KDM3A: variants seen among roughly 807,000 people sequenced by gnomAD.
The protein encoded by KDM3A is lysine demethylase 3A.
In KDM3A, 60 loss-of-function variants were observed where a neutral mutation model predicts 158.0. That is an observed-to-expected ratio of 0.38 (90% CI 0.31 to 0.47). The LOEUF (loss-of-function observed/expected upper bound fraction) is 0.47. KDM3A is among the 20% of genes least tolerant of loss of function. The pLI, the probability that KDM3A is intolerant of heterozygous loss-of-function variation, is 0.99. For missense variants in KDM3A, 1,319 were observed against 1,574.3 expected, an observed-to-expected ratio of 0.84 and a Z score of 2.74; for synonymous variants, 608 against 549.3, an observed-to-expected ratio of 1.11 and a Z score of -1.49.
chr2:86,457,998 C>T (rs768729282), intron 8 of KDM3A, among the ~76,000 whole-genome samples: 43 of 152,222 alleles, frequency 2.8e-4, no homozygotes, highest in Non-Finnish European at 5.6e-4. Context: ...AATCCAAATG[C>T]CTAAATGTCA....
At chr2:86,485,617 C>A in intron 20 of KDM3A, 112 bp from the exon 21 acceptor site, 1 of 1,266,038 alleles carries the variant, frequency 7.9e-7, no homozygotes, top group Non-Finnish European at 1.1e-6. Context: ...TGTCAGTCTG[C>A]ATGATCACAG....
At chr2:86,457,300 A>G (rs1164525139) in intron 8 of KDM3A, among the ~76,000 whole-genome samples, 1 of 151,870 alleles carries the variant, frequency 6.6e-6, no homozygotes, top group African/African-American at 2.4e-5. Context: ...ACACCTGGCT[A>G]ATTTTTGTGT....
At position 86,484,939 on chromosome 2, in the gene KDM3A, C is replaced by G. The variant is rs1468234778; in HGVS notation, c.3095-3C>G. On this transcript the variant is annotated splice_region_variant and splice_polypyrimidine_tract_variant and intron_variant, in intron 19 of 25. Transcript: ENST00000312912. The stretch of plus-strand genomic sequence containing the variant: ...GTAATAGTTCATTCTGTTTACCTTT[C>G]AGATCGTTTGAAAAATGAAAAAGAA... 6.3e-7 allele frequency: 1 copy of G among 1,579,138 alleles called. No homozygotes were observed. The highest frequency in any genetic ancestry group is 2.2e-5 in the East Asian group (1 of 44,614).
In KDM3A at chr2:86,455,154, G is replaced by A. The variant is rs1006417228; in HGVS notation, c.523G>A (p.Val175Met). 3 of 1,605,564 alleles carry A rather than the reference G, an allele frequency of 1.9e-6. No individual in the cohort carries two copies. The highest frequency in any genetic ancestry group is 2.6e-6 in the Non-Finnish European group (3 of 1,175,358). ...CAGTAAAGAATTTCAAGCTTTGATT[G>A]TGAAGCATTTAGATGAAAGCCATCT... ...IVSKEFQALI[V>M]KHLDESHLLK... is the part of the protein sequence containing the mutation. Residue 175 changes from valine (V) to methionine (M), a missense_variant, in exon 5 of 26, where the codon GTG becomes ATG. Physicochemically the swap from Val to Met is conservative, Grantham distance 21 (BLOSUM62 1). Transcript: ENST00000312912.
At chr2:86,466,320 TG>T in intron 9 of KDM3A, 51 bp from the exon 10 acceptor site, 1 of 1,523,812 alleles carries the variant, frequency 6.6e-7, no homozygotes, top group Non-Finnish European at 8.8e-7. Context: ...GGGAAGATAA[TG>T]GAGAGATAAA....
rs1372985985 is a variant in KDM3A, at chr2:86,441,426, C to T, written c.-49C>T. The T allele has an allele frequency of 2.0e-5, 3 of 152,308 alleles. No individual in the cohort carries two copies. The allele number at this position is 152,308 out of a possible 1,614,324, so 9.4% of individuals were successfully genotyped here. On this transcript the variant is annotated 5_prime_UTR_variant, in exon 1 of 26. Transcript: ENST00000312912. ...GAAACGGCGGCTGCCGCCGGTGACTCAGGGAGGCGGGAGGCGGGGTAAGAG... is the reference window on the plus strand; with the variant it reads ...GAAACGGCGGCTGCCGCCGGTGACTTAGGGAGGCGGGAGGCGGGGTAAGAG...
chr2:86,461,272 G>C (rs1243237417), intron 8 of KDM3A, among the ~76,000 whole-genome samples: 1 of 152,060 alleles, frequency 6.6e-6, no homozygotes, highest in Non-Finnish European at 1.5e-5. Flanking sequence ...AAAAATAGCA[G>C]ATTTCTCCTT....
Position 86,464,215 on chromosome 2 carries a change from G to C in KDM3A, c.1006G>C (p.Gly336Arg). 6.3e-7 allele frequency: 1 copy of C among 1,576,284 alleles called. No homozygotes were observed. The highest frequency in any genetic ancestry group is 2.3e-5 in the East Asian group (1 of 44,116). Reference sequence around the variant, plus strand: ...TAACCTTGGAGCAAAAATTCCTCAAGGGTGAGTAGTGATTTGTTAAAGATG... The same window carrying C: ...TAACCTTGGAGCAAAAATTCCTCAACGGTGAGTAGTGATTTGTTAAAGATG... The part of the protein sequence containing the change: ...PPNLGAKIPQ[G>R]CHKQSLPEEI... The change falls in exon 9 of 26, where the codon GGA (glycine) becomes CGA (arginine). Residue 336 changes from glycine (G) to arginine (R), a missense_variant and splice_region_variant. This residue lies in a region of KDM3A where 652 missense variants were observed against 627.2 expected (regional missense o/e 1.04). Coordinates refer to ENST00000312912, the MANE Select transcript of KDM3A (RefSeq NM_018433.6).
At chr2:86,457,232 T>C (rs1672744349) in intron 8 of KDM3A, among the ~76,000 whole-genome samples, 161 bp downstream of exon 8, 1 of 152,212 alleles carries the variant, frequency 6.6e-6, no homozygotes. Flanking sequence ...CAGAGCTTAC[T>C]GCAGCCTTGA....
intron 19 of KDM3A, 52 bp downstream of exon 19, chr2:86,484,210 C>A: frequency 6.7e-7 from 1 of 1,494,186 alleles, no homozygotes; most frequent in Non-Finnish European, 9.1e-7. Flanking sequence ...GGAGGGGACA[C>A]AGGAATGGCA....
intron 25 of KDM3A, 156 bp from the exon 26 acceptor site, chr2:86,491,883 G>C (rs1674473345): frequency 3.3e-6 from 2 of 600,948 alleles, no homozygotes; most frequent in Non-Finnish European, 5.9e-6. Context: ...CTGGTCTGAA[G>C]GAGCCCAGGG....
intron 21 of KDM3A, chr2:86,486,979 G>GT (rs925405170): frequency 2.6e-5 from 4 of 152,380 alleles, no homozygotes; most frequent in Non-Finnish European, 5.9e-5. Context: ...TCAGGTCTCT[G>GT]TTGGTGAGTC....
At chr2:86,445,109 T>C (rs1682901812) in intron 2 of KDM3A, among the ~76,000 whole-genome samples, 1 of 152,194 alleles carries the variant, frequency 6.6e-6, no homozygotes, top group Admixed American at 6.5e-5. Flanking sequence ...CCTTAAACAC[T>C]AGGCTTTAAT....
At chr2:86,456,323 T>C (rs1374029932) in intron 5 of KDM3A, 119 bp from the exon 6 acceptor site, 5 of 715,194 alleles carry the variant, frequency 7.0e-6, no homozygotes, top group Non-Finnish European at 1.1e-5. Flanking sequence ...AGTGATTCTT[T>C]TAATGTTTAC....
chr2:86,452,420 G>A (rs755610813), intron 4 of KDM3A, among the ~76,000 whole-genome samples: 3 of 152,118 alleles, frequency 2.0e-5, no homozygotes, highest in Non-Finnish European at 4.4e-5. Flanking sequence ...TCAATTGGTT[G>A]TTGAAAATGT....
In KDM3A at chr2:86,459,953, C is replaced by T. The variant is rs553445867; in HGVS notation, c.843+2882C>T. On this transcript the variant is annotated intron_variant, in intron 8 of 25. Coordinates refer to ENST00000312912, the MANE Select transcript of KDM3A (RefSeq NM_018433.6). ...AAATGTACATTGCAGCTCTTGAGCT[C>T]TATGCTAGTCACGTCATTCTAAAGG... Among the ~76,000 whole-genome samples, 7 of 152,276 alleles carry T rather than the reference C, an allele frequency of 4.6e-5. No homozygotes were observed. The South Asian group carries it at 1.2e-3, about 27-fold the overall frequency.
In KDM3A at chr2:86,489,609, C is replaced by G; in HGVS notation, c.3523C>G (p.His1175Asp). Residue 1175 changes from histidine to aspartate, a missense_variant, in exon 23 of 26, where the codon CAC (histidine) becomes GAC (aspartate). His to Asp is a moderately conservative substitution (Grantham distance 81). Coordinates refer to ENST00000312912, the MANE Select transcript of KDM3A (RefSeq NM_018433.6). The stretch of plus-strand genomic sequence containing the variant: ...AAAAGAGAAGCCAGGAGCACTGTGG[C>G]ACATATATGCTGCAAAGGACACGGA... ...EGKEKPGALW[H>D]IYAAKDTEKI... 1 of 1,613,864 alleles carries G rather than the reference C, an allele frequency of 6.2e-7. No individual in the cohort carries two copies. The highest frequency in any genetic ancestry group is 8.5e-7 in the Non-Finnish European group (1 of 1,179,924).
intron 8 of KDM3A, among the ~76,000 whole-genome samples, chr2:86,459,716 TATG>T (rs1188752241): frequency 6.6e-6 from 1 of 152,144 alleles, no homozygotes; most frequent in Non-Finnish European, 1.5e-5. Flanking sequence ...TATAGACATA[TATG>T]ATATGATCCT....
intron 10 of KDM3A, among the ~76,000 whole-genome samples, chr2:86,469,101 G>GT (rs1673285440): frequency 6.6e-6 from 1 of 152,144 alleles, no homozygotes; most frequent in Non-Finnish European, 1.5e-5. Context: ...CTATAACTGA[G>GT]TAGGAGTGTT....
Sources: gnomAD v4.1 joint callset for allele counts (sites outside exome capture counted in the v4.1 genomes callset) on GRCh38, gnomAD v4.1.1 for gene constraint, gnomAD v4.1.1 regional missense constraint, MANE v1.5 for transcripts, NCBI Gene and HGNC (gene_info 2026-07-23, HGNC 2026-07-21) for gene names.